BCO1: variants seen among roughly 807,000 people sequenced by gnomAD.
The protein encoded by BCO1 is beta,beta-carotene 15,15'-dioxygenase.
BCO1 carries 54 observed loss-of-function variants against 56.3 expected under a neutral mutation model. That is an observed-to-expected ratio of 0.96 (90% CI 0.77 to 1.20). BCO1 has a LOEUF of 1.20. BCO1 is among the 50% of genes most tolerant of loss of function. The pLI is 0.00. For synonymous variants in BCO1, 318 were observed against 266.1 expected, an observed-to-expected ratio of 1.20 and a Z score of -1.90; for missense variants, 801 against 690.9, an observed-to-expected ratio of 1.16 and a Z score of -1.79.
chr16:81,268,276 T>G, intron 6 of BCO1, 145 bp downstream of exon 6: 1 of 781,604 alleles, frequency 1.3e-6, no homozygotes, highest in Non-Finnish European at 2.2e-6. Context: ...TCCAGCAAGT[T>G]CTGAAGCTGG....
intron 7 of BCO1, among the ~76,000 whole-genome samples, chr16:81,280,378 C>T (rs1267721590): frequency 6.9e-6 from 1 of 145,462 alleles, no homozygotes; most frequent in Non-Finnish European, 1.5e-5. Flanking sequence ...GTCTCTTCTC[C>T]GTGTAACTTT....
At position 81,277,543 on chromosome 16, in the gene BCO1, A is replaced by T. The variant is rs147612022; in HGVS notation, c.1102-3314A>T. ...AACCGCCTCACTTATACCCAGCACC[A>T]CACTAAAAGTTATGAATCACCACCC... On this transcript the variant is annotated intron_variant, in intron 7 of 10. Coordinates refer to ENST00000258168, the MANE Select transcript of BCO1 (RefSeq NM_017429.3). Among the ~76,000 whole-genome samples, 561 of 152,300 alleles carry T rather than the reference A, an allele frequency of 3.7e-3. 2 individuals are homozygous for T. The highest frequency in any genetic ancestry group is 0.013 in the African/African-American group (537 of 41,560).
chr16:81,262,952 G>C (rs1372919067), intron 4 of BCO1: 1 of 156,180 alleles, frequency 6.4e-6, no homozygotes, highest in Non-Finnish European at 1.4e-5. Flanking sequence ...TGCTCTCTCT[G>C]AAGACTCTAG....
At chr16:81,270,127 G>T in intron 6 of BCO1, 32 bp from the exon 7 acceptor site, 2 of 1,613,578 alleles carry the variant, frequency 1.2e-6, no homozygotes, top group Non-Finnish European at 1.7e-6. Context: ...GAGAGAGGGT[G>T]AGCTGAGCCC....
chr16:81,274,652 G>C (rs1907444179), intron 7 of BCO1, among the ~76,000 whole-genome samples: 1 of 152,160 alleles, frequency 6.6e-6, no homozygotes, highest in South Asian at 2.1e-4. Flanking sequence ...GCCCAGGCAG[G>C]TGATCACCTG....
intron 8 of BCO1, among the ~76,000 whole-genome samples, chr16:81,281,651 G>A (rs1345227356): frequency 6.6e-6 from 1 of 152,182 alleles, no homozygotes; most frequent in African/African-American, 2.4e-5. Flanking sequence ...GAGTCCTTGA[G>A]GTACACACAG....
chr16:81,264,908 G>A, intron 5 of BCO1, 121 bp downstream of exon 5: 1 of 1,141,598 alleles, frequency 8.8e-7, no homozygotes, highest in Non-Finnish European at 1.3e-6. Flanking sequence ...AGATTATTGA[G>A]GTGGACCATG....
At chr16:81,278,257 G>T (rs138302502) in intron 7 of BCO1, among the ~76,000 whole-genome samples, 321 of 152,156 alleles carry the variant, frequency 2.1e-3, no homozygotes, top group African/African-American at 7.5e-3. Context: ...AGCCAGGCTG[G>T]TCTCGAACTC....
In BCO1 at chr16:81,238,951, C is replaced by A; in HGVS notation, c.43C>A (p.Pro15Thr). 6.2e-7 allele frequency: 1 copy of A among 1,613,912 alleles called. No homozygotes were observed. Among genetic ancestry groups the A allele is most frequent in the Non-Finnish European group, 8.5e-7 (1 of 1,179,952 alleles). ...FGRNRKEQLEPVRAKVTGKIP... is the reference protein window; with the variant it reads ...FGRNRKEQLETVRAKVTGKIP... The stretch of plus-strand genomic sequence containing the variant: ...CAGGAATAGGAAAGAACAGCTGGAG[C>A]CTGTGAGGGCCAAAGTGACAGGTGA... Residue 15 changes from proline to threonine, a missense_variant, in exon 1 of 11, where the codon CCT becomes ACT. Physicochemically the swap from Pro to Thr is conservative, Grantham distance 38 (BLOSUM62 -1). Transcript: ENST00000258168.
intron 7 of BCO1, among the ~76,000 whole-genome samples, chr16:81,272,190 T>C (rs113569442): frequency 6.7e-6 from 1 of 148,754 alleles, no homozygotes; most frequent in Non-Finnish European, 1.5e-5. Context: ...CTCAGCTCAC[T>C]GCAAGCTCCG....
intron 10 of BCO1, 102 bp from the exon 11 acceptor site, chr16:81,290,246 A>G: frequency 3.1e-6 from 3 of 967,516 alleles, no homozygotes; most frequent in Non-Finnish European, 4.9e-6. Context: ...TGTTTTGGTT[A>G]GATACATATG....
chr16:81,273,827 C>G (rs1284811540), intron 7 of BCO1, among the ~76,000 whole-genome samples: 1 of 152,154 alleles, frequency 6.6e-6, no homozygotes, highest in Non-Finnish European at 1.5e-5. Context: ...GACCTGATCT[C>G]TCTGTGAAAA....
At chr16:81,275,635 A>G (rs1907510114) in intron 7 of BCO1, among the ~76,000 whole-genome samples, 2 of 152,376 alleles carry the variant, frequency 1.3e-5, no homozygotes, top group South Asian at 4.1e-4. Context: ...GAAATGAATG[A>G]ATGAATGATG....
intron 2 of BCO1, among the ~76,000 whole-genome samples, chr16:81,246,827 G>T (rs1905446896): frequency 7.2e-6 from 1 of 138,326 alleles, no homozygotes; most frequent in African/African-American, 2.7e-5. Context: ...CTCCAGCCTG[G>T]GAGACAGAGC....
intron 3 of BCO1, 25 bp downstream of exon 3, chr16:81,259,830 C>T: frequency 1.2e-6 from 2 of 1,613,926 alleles, no homozygotes; most frequent in Non-Finnish European, 1.7e-6. Flanking sequence ...TAAATCTGAG[C>T]AAATTTCATG....
intron 2 of BCO1, among the ~76,000 whole-genome samples, chr16:81,258,296 T>C (rs1253840250): frequency 1.3e-5 from 2 of 152,204 alleles, no homozygotes; most frequent in Non-Finnish European, 2.9e-5. Context: ...ATCTGGTATA[T>C]TTTGAGGTTG....
intron 2 of BCO1, among the ~76,000 whole-genome samples, chr16:81,257,046 A>G (rs1227126810): frequency 6.6e-6 from 1 of 152,066 alleles, no homozygotes; most frequent in Non-Finnish European, 1.5e-5. Flanking sequence ...TCCCAACTCC[A>G]GGCCTTTGCT....
intron 7 of BCO1, among the ~76,000 whole-genome samples, chr16:81,271,273 C>G (rs2151942623): frequency 6.6e-6 from 1 of 152,054 alleles, no homozygotes; most frequent in Non-Finnish European, 1.5e-5. Flanking sequence ...TGCCACCACG[C>G]CCAGCTAATT....
In BCO1 at chr16:81,242,198, T is replaced by TC. The variant is rs1386782953; in HGVS notation, c.64+3226_64+3227insC. Among the ~76,000 whole-genome samples the TC allele has an allele frequency of 1.6e-3, 227 of 141,224 alleles. 1 individual carries two copies. The highest frequency in any genetic ancestry group is 5.7e-3 in the African/African-American group (209 of 36,604). 92.6% of individuals were successfully genotyped at this position (141,224 alleles called of 152,430 possible). On this transcript the variant is annotated intron_variant, in intron 1 of 10. Transcript: ENST00000258168. ...AGGCAAGAGACTTGGCTGTCTTTTTTTTTTTTTTTTTTTTTTTTTGAGGCG... is the reference window on the plus strand; with the variant it reads ...AGGCAAGAGACTTGGCTGTCTTTTTTCTTTTTTTTTTTTTTTTTTTGAGGCG...
Sources: gnomAD v4.1 joint callset for allele counts (sites outside exome capture counted in the v4.1 genomes callset) on GRCh38, gnomAD v4.1.1 for gene constraint, MANE v1.5 for transcripts, NCBI Gene and HGNC (gene_info 2026-07-23, HGNC 2026-07-21) for gene names.